Variants in SHROOM3 observed in about 807,000 individuals in gnomAD.
SHROOM3 encodes shroom family member 3, also known as protein Shroom3.
In SHROOM3, 47 loss-of-function variants were observed where a neutral mutation model predicts 138.6. That is an observed-to-expected ratio of 0.34 (90% confidence interval 0.27 to 0.43). The LOEUF (loss-of-function observed/expected upper bound fraction) is 0.43. SHROOM3 is among the 20% of genes least tolerant of loss of function. The pLI is 1.00. For missense variants in SHROOM3, 2,491 were observed against 2,596.5 expected (o/e 0.96, Z 0.88); for synonymous variants, 1,062 against 1,063.3 (o/e 1.00, Z 0.02).
chr4:76,686,176 G>A (rs1719329881), intron 2 of SHROOM3, among the ~76,000 whole-genome samples: 1 of 151,838 alleles, frequency 6.6e-6, no homozygotes, highest in African/African-American at 2.4e-5. Flanking sequence ...ACCACGCCTG[G>A]CTAATTTTTT....
intron 2 of SHROOM3, among the ~76,000 whole-genome samples, chr4:76,697,722 G>T (rs1295695041): frequency 1.3e-5 from 2 of 152,190 alleles, no homozygotes; most frequent in African/African-American, 4.8e-5. Context: ...TTTGCATGTT[G>T]TACAGCCAGC....
intron 2 of SHROOM3, chr4:76,559,523 T>C (rs575932990): frequency 2.6e-4 from 39 of 152,296 alleles, no homozygotes; most frequent in African/African-American, 9.4e-4. Context: ...CCTGGAAACA[T>C]AATAGGAAGG....
At chr4:76,728,340 A>G (rs977379745) in intron 3 of SHROOM3, among the ~76,000 whole-genome samples, 1 of 152,194 alleles carries the variant, frequency 6.6e-6, no homozygotes, top group African/African-American at 2.4e-5. Flanking sequence ...TGTTCTCATG[A>G]TAGTGAATAA....
At chr4:76,702,797 T>A (rs1318193503) in intron 2 of SHROOM3, among the ~76,000 whole-genome samples, 4 of 152,170 alleles carry the variant, frequency 2.6e-5, no homozygotes, top group African/African-American at 4.8e-5. Context: ...GTCAAAGGGC[T>A]CAGTGGGTAG....
intron 9 of SHROOM3, 32 bp downstream of exon 9, chr4:76,759,727 T>C (rs1178010146): frequency 1.2e-6 from 2 of 1,604,684 alleles, no homozygotes; most frequent in Middle Eastern, 1.7e-4. Context: ...CTTGTTCAGC[T>C]TTCCTCAGAA....
Position 76,764,640 on chromosome 4 carries a change from T to C in SHROOM3, c.5349+4945T>C, listed in dbSNP as rs139672471. On this transcript the variant is annotated intron_variant, in intron 9 of 10. Transcript: ENST00000296043. ...ACTGGATATGGGATTCTGGGTTGAG[T>C]TGACTCTTTTCTTTCAGTACTTAAC... Among the ~76,000 whole-genome samples, 27 of 152,364 alleles carry C rather than the reference T, an allele frequency of 1.8e-4. 1 individual carries two copies. In the East Asian group the frequency reaches 4.8e-3, roughly 27 times the overall value.
chr4:76,438,834 T>A (rs1164027463), intron 1 of SHROOM3, among the ~76,000 whole-genome samples: 5 of 152,136 alleles, frequency 3.3e-5, no homozygotes. Context: ...GGCTGTGTCT[T>A]ACTCATTTTG....
chr4:76,771,184 G>A (rs1384033838), intron 10 of SHROOM3, among the ~76,000 whole-genome samples: 2 of 152,026 alleles, frequency 1.3e-5, no homozygotes, highest in African/African-American at 4.8e-5. Flanking sequence ...GGCCAACATG[G>A]TGAACCAACA....
intron 2 of SHROOM3, among the ~76,000 whole-genome samples, chr4:76,580,199 C>T (rs567945631): frequency 1.3e-5 from 2 of 152,334 alleles, no homozygotes; most frequent in South Asian, 2.1e-4. Context: ...TGCTGGCTGG[C>T]GCCATTCAAC....
At chr4:76,724,936 G>A (rs1720656123) in intron 3 of SHROOM3, among the ~76,000 whole-genome samples, 1 of 152,126 alleles carries the variant, frequency 6.6e-6, no homozygotes, top group South Asian at 2.1e-4. Flanking sequence ...ATATACACTG[G>A]TGGGCTATTT....
At position 76,770,776 on chromosome 4, in the gene SHROOM3, T is replaced by C; in HGVS notation, c.5500T>C (p.Tyr1834His). Residue 1834 changes from tyrosine to histidine, a missense_variant, in exon 10 of 11, where the codon TAT (tyrosine) becomes CAT (histidine). Tyr to His is a moderately conservative substitution (Grantham distance 83). This residue lies in a region of SHROOM3 where 470 missense variants were observed against 595.0 expected (regional missense o/e 0.79). Coordinates refer to ENST00000296043, the MANE Select transcript of SHROOM3 (RefSeq NM_020859.4). Reference protein sequence around the residue: ...ELCKPNEFDKYRMFIGDLDKV... With the variant: ...ELCKPNEFDKHRMFIGDLDKV... Reference sequence around the variant, plus strand: ...CTGCAAGCCCAATGAGTTTGACAAGTATAGGATGTTCATAGGGGATTTGGA... The same window carrying C: ...CTGCAAGCCCAATGAGTTTGACAAGCATAGGATGTTCATAGGGGATTTGGA... 6.2e-7 allele frequency: 1 copy of C among 1,614,084 alleles called. No homozygotes were observed. The highest frequency in any genetic ancestry group is 8.5e-7 in the Non-Finnish European group (1 of 1,180,020).
intron 1 of SHROOM3, among the ~76,000 whole-genome samples, chr4:76,437,031 A>T (rs1209335546): frequency 6.6e-6 from 1 of 152,164 alleles, no homozygotes; most frequent in Admixed American, 6.5e-5. Context: ...AAAAATTTTT[A>T]ATTTGAGGGT....
chr4:76,748,846 G>T (rs890627001), intron 5 of SHROOM3, among the ~76,000 whole-genome samples, 171 bp from the exon 6 acceptor site: 2 of 131,618 alleles, frequency 1.5e-5, no homozygotes, highest in Non-Finnish European at 3.1e-5. Context: ...TTAAATCTTC[G>T]GCTTATCTCC....
intron 3 of SHROOM3, among the ~76,000 whole-genome samples, chr4:76,713,849 G>A (rs1401561135): frequency 6.6e-6 from 1 of 152,056 alleles, no homozygotes. Context: ...TCATTATGTG[G>A]CACATGACTG....
At chr4:76,597,588 A>G (rs1450518631) in intron 2 of SHROOM3, among the ~76,000 whole-genome samples, 1 of 152,180 alleles carries the variant, frequency 6.6e-6, no homozygotes, top group Non-Finnish European at 1.5e-5. Flanking sequence ...AGGGAGGAGG[A>G]GAAGATGAAA....
intron 6 of SHROOM3, among the ~76,000 whole-genome samples, chr4:76,750,392 C>G (rs919979883): frequency 6.6e-6 from 1 of 152,076 alleles, no homozygotes; most frequent in Non-Finnish European, 1.5e-5. Flanking sequence ...GGCCATTATC[C>G]TAAGCAAATG....
At chr4:76,668,793 T>C (rs1718795351) in intron 2 of SHROOM3, among the ~76,000 whole-genome samples, 1 of 152,200 alleles carries the variant, frequency 6.6e-6, no homozygotes. Context: ...GGGAGGTGTC[T>C]ACTGAGAAGG....
intron 2 of SHROOM3, among the ~76,000 whole-genome samples, chr4:76,686,580 A>G (rs1719342383): frequency 1.3e-5 from 2 of 152,312 alleles, no homozygotes; most frequent in South Asian, 4.2e-4. Flanking sequence ...TGAAATTTCT[A>G]GAGCTTTTTG....
rs1721730704 is a variant in SHROOM3, at chr4:76,754,342, G to A, written c.3859G>A (p.Glu1287Lys). 2 of 1,614,160 alleles carry A rather than the reference G, an allele frequency of 1.2e-6. No individual in the cohort carries two copies. The highest frequency in any genetic ancestry group is 8.5e-7 in the Non-Finnish European group (1 of 1,180,034). Residue 1287 changes from glutamate (E) to lysine (K), a missense_variant, in exon 7 of 11, where the codon GAG becomes AAG. Physicochemically the swap from Glu to Lys is moderately conservative, Grantham distance 56 (BLOSUM62 1). Around this residue, in one of 4 missense-constraint regions of SHROOM3, gnomAD observed 1,733 missense variants for 1,661.6 expected, o/e 1.04. Transcript: ENST00000296043. ...SLSCSERGQEEMLPLFHHLTP... is the reference protein window; with the variant it reads ...SLSCSERGQEKMLPLFHHLTP... ...CAGTTGTTCAGAAAGAGGCCAAGAA[G>A]AGATGCTGCCGCTCTTCCACCATCT...
Sources: allele counts gnomAD v4.1 joint callset (sites outside exome capture counted in the v4.1 genomes callset), GRCh38; gene constraint gnomAD v4.1.1; regional missense constraint gnomAD v4.1.1; transcripts MANE v1.5; gene names NCBI Gene and HGNC (gene_info 2026-07-23, HGNC 2026-07-21).